Variants in ECSIT observed in about 807,000 individuals in gnomAD.
ECSIT encodes the protein ECSIT signaling integrator, also known as evolutionarily conserved signaling intermediate in Toll pathway, mitochondrial.
ECSIT carries 29 observed loss-of-function variants against 36.8 expected under a neutral mutation model. That is an observed-to-expected ratio of 0.79 (90% CI 0.59 to 1.08). ECSIT has a LOEUF of 1.08. ECSIT is among the 50% of genes least tolerant of loss of function. The pLI, the probability that ECSIT is intolerant of heterozygous loss-of-function variation, is 0.00. For synonymous variants in ECSIT, 231 were observed against 234.8 expected (o/e 0.98, Z 0.15); for missense variants, 542 against 581.0 (o/e 0.93, Z 0.69).
At chr19:11,515,372 G>A (rs1971975677) in intron 2 of ECSIT, among the ~76,000 whole-genome samples, 1 of 152,102 alleles carries the variant, frequency 6.6e-6, no homozygotes, top group Admixed American at 6.6e-5. Context: ...CAAGTGCTGG[G>A]ATTACAGGCA....
Position 11,513,740 on chromosome 19 carries a change from G to A in ECSIT, c.514+64C>T. 3.8e-6 allele frequency: 6 copies of A among 1,586,530 alleles called. No individual in the cohort carries two copies. In the East Asian group the frequency reaches 1.1e-4, roughly 30 times the overall value. ...TGGAGGAAGGAGGGGCTGAGACTCA[G>A]GAGAGGTGCTGCCAGCTATCAGTGT... On this transcript the variant is annotated intron_variant, in intron 3 of 7. Transcript: ENST00000270517.
intron 6 of ECSIT, 42 bp from the exon 7 acceptor site, chr19:11,507,604 G>A: frequency 6.2e-7 from 1 of 1,612,710 alleles, no homozygotes; most frequent in Non-Finnish European, 8.5e-7. Context: ...AGAGGCCAGG[G>A]CTCTCTCGGT....
rs544161921 is a variant in ECSIT, at chr19:11,521,525, G to A, written c.-23-2332C>T. The stretch of plus-strand genomic sequence containing the variant: ...CTAACGCCTGTAATCACAGCACTTC[G>A]GGAGGTCGAAGCAGGCAGATCACCT... On this transcript the variant is annotated intron_variant, in intron 1 of 7. Transcript: ENST00000270517. Among the ~76,000 whole-genome samples the A allele has an allele frequency of 5.3e-5, 8 of 151,622 alleles. No homozygotes were observed. The South Asian group carries it at 6.3e-4, about 12-fold the overall frequency.
chr19:11,512,915 C>T, intron 4 of ECSIT, 141 bp downstream of exon 4: 2 of 849,606 alleles, frequency 2.4e-6, no homozygotes, highest in South Asian at 2.9e-5. Context: ...CACACTCCAG[C>T]CTGGGCAACA....
intron 1 of ECSIT, among the ~76,000 whole-genome samples, chr19:11,527,498 TAG>T (rs1158925785): frequency 6.6e-6 from 1 of 151,900 alleles, no homozygotes; most frequent in East Asian, 1.9e-4. Flanking sequence ...CTGGGCAACA[TAG>T]AGAGACCCCA....
At chr19:11,516,765 C>T (rs774516053) in intron 2 of ECSIT, among the ~76,000 whole-genome samples, 8 of 151,726 alleles carry the variant, frequency 5.3e-5, no homozygotes, top group Admixed American at 3.9e-4. Context: ...CACCTGTAAT[C>T]CTAGCACTTT....
intron 4 of ECSIT, among the ~76,000 whole-genome samples, chr19:11,512,286 C>T (rs929530852): frequency 4.0e-5 from 6 of 151,492 alleles, no homozygotes; most frequent in Admixed American, 1.3e-4. Context: ...TGGAATTTGC[C>T]GTGAGCCAAG....
At chr19:11,517,884 C>T (rs910707344) in intron 2 of ECSIT, among the ~76,000 whole-genome samples, 3 of 152,030 alleles carry the variant, frequency 2.0e-5, no homozygotes, top group African/African-American at 4.8e-5. Context: ...AGTTTTCTGC[C>T]CCATCTTCAC....
chr19:11,507,671 C>A, intron 6 of ECSIT, 31 bp downstream of exon 6: 3 of 1,613,932 alleles, frequency 1.9e-6, no homozygotes, highest in Non-Finnish European at 2.5e-6. Context: ...CACTCCCCAG[C>A]CCCAACACAT....
At chr19:11,525,932 C>A (rs999822016) in intron 1 of ECSIT, among the ~76,000 whole-genome samples, 3 of 151,378 alleles carry the variant, frequency 2.0e-5, no homozygotes, top group African/African-American at 7.3e-5. Flanking sequence ...AAAGCAAAAT[C>A]TCGGCCCTAT....
intron 1 of ECSIT, among the ~76,000 whole-genome samples, chr19:11,525,248 C>T (rs1972190351): frequency 6.6e-6 from 1 of 152,288 alleles, no homozygotes; most frequent in African/African-American, 2.4e-5. Context: ...GTGGCTCATG[C>T]CTGTAATCCT....
chr19:11,512,890 C>T (rs1971900080), intron 4 of ECSIT, among the ~76,000 whole-genome samples, 166 bp downstream of exon 4: 1 of 152,090 alleles, frequency 6.6e-6, no homozygotes, highest in South Asian at 2.1e-4. Flanking sequence ...CTGCAGTGAG[C>T]CGAGATAGTG....
intron 1 of ECSIT, among the ~76,000 whole-genome samples, chr19:11,526,832 G>A (rs1318616680): frequency 6.6e-6 from 1 of 150,816 alleles, no homozygotes; most frequent in African/African-American, 2.4e-5. Flanking sequence ...TGGTTCTCAT[G>A]CCTCAGCCTC....
rs535032077 is a variant in ECSIT, at chr19:11,519,430, A to G, written c.-23-237T>C. ...ATGCAGCCTCCAACTTCTGGGCCCA[A>G]GTGATCCTCCAGCCCCAGAGCGTCG... On this transcript the variant is annotated intron_variant, in intron 1 of 7. Transcript: ENST00000270517. This position sits in a 1 kb window ranked among gnomAD's most constrained non-coding sequence, Gnocchi z 4.4. Among the ~76,000 whole-genome samples the G allele has an allele frequency of 3.1e-4, 47 of 152,154 alleles. No homozygotes were observed. The highest frequency in any genetic ancestry group is 5.4e-4 in the Non-Finnish European group (37 of 68,024).
At chr19:11,511,188 T>A (rs1412971131) in intron 4 of ECSIT, among the ~76,000 whole-genome samples, 3 of 152,138 alleles carry the variant, frequency 2.0e-5, no homozygotes, top group Non-Finnish European at 4.4e-5. Context: ...ACATGACAAG[T>A]GCTGTGAGGG....
intron 4 of ECSIT, among the ~76,000 whole-genome samples, chr19:11,512,701 G>A (rs567017430): frequency 4.7e-4 from 72 of 151,814 alleles, no homozygotes; most frequent in Middle Eastern, 6.8e-3. Context: ...TTGGGAGGCC[G>A]AGGCAGGAGG....
chr19:11,523,136 C>T (rs1447378784), intron 1 of ECSIT, among the ~76,000 whole-genome samples: 1 of 152,082 alleles, frequency 6.6e-6, no homozygotes, highest in Non-Finnish European at 1.5e-5. Flanking sequence ...TCTGCCACCC[C>T]TAAGACAGCA....
At position 11,524,069 on chromosome 19, in the gene ECSIT, G is replaced by A. The variant is rs149991534; in HGVS notation, c.-23-4876C>T. ...TGAGTAGCTGGGATTACAGGTGTGC[G>A]CCACCACACTCAACTAATTTTTACA... On this transcript the variant is annotated intron_variant, in intron 1 of 7. Coordinates refer to ENST00000270517, the MANE Select transcript of ECSIT (RefSeq NM_016581.5). Among the ~76,000 whole-genome samples the A allele has an allele frequency of 7.9e-5, 12 of 152,108 alleles. No homozygotes were observed. In the South Asian group the frequency reaches 1.4e-3, roughly 18 times the overall value.
intron 2 of ECSIT, among the ~76,000 whole-genome samples, chr19:11,515,352 C>T (rs565398649): frequency 6.6e-6 from 1 of 152,210 alleles, no homozygotes; most frequent in South Asian, 2.1e-4. Flanking sequence ...ATCCGCCCGC[C>T]TTGGCCTCCC....
Sources: gnomAD v4.1 joint callset for allele counts (sites outside exome capture counted in the v4.1 genomes callset) on GRCh38, gnomAD v4.1.1 for gene constraint, Gnocchi (gnomAD v3.1) non-coding constraint, MANE v1.5 for transcripts, NCBI Gene and HGNC (gene_info 2026-07-23, HGNC 2026-07-21) for gene names.